Variants in SLC25A26 observed in about 807,000 individuals in gnomAD.
SLC25A26 encodes the protein solute carrier family 25 member 26, also known as mitochondrial S-adenosylmethionine carrier protein.
A neutral mutation model predicts 37.8 loss-of-function variants in SLC25A26; 36 were observed. The observed-to-expected ratio is 0.95, with a 90% confidence interval of 0.73 to 1.26. SLC25A26 has a LOEUF of 1.26. Ranked by LOEUF, SLC25A26 falls within the 50% of genes most tolerant of loss-of-function variation. The pLI is 0.00. For missense variants in SLC25A26, 390 were observed against 331.1 expected (o/e 1.18, Z -1.38); for synonymous variants, 129 against 122.5 (o/e 1.05, Z -0.35).
At chr3:66,283,219 A>T (rs888267531) in intron 5 of SLC25A26, among the ~76,000 whole-genome samples, 3 of 152,164 alleles carry the variant, frequency 2.0e-5, no homozygotes, top group African/African-American at 7.2e-5. Context: ...AAATGCAGGA[A>T]TGGGTTTGCT....
At chr3:66,187,470 C>T (rs950132381) in intron 1 of SLC25A26, among the ~76,000 whole-genome samples, 3 of 152,030 alleles carry the variant, frequency 2.0e-5, no homozygotes, top group Non-Finnish European at 2.9e-5. Context: ...TGAAACTTAC[C>T]CTTATCCTTA....
At chr3:66,209,907 T>TATTTATAC (rs2071259390) in intron 1 of SLC25A26, among the ~76,000 whole-genome samples, 2 of 21,692 alleles carry the variant, frequency 9.2e-5, no homozygotes, top group African/African-American at 3.5e-4. Context: ...TTTATATATA[T>TATTTATAC]ATATATATAT....
intron 5 of SLC25A26, among the ~76,000 whole-genome samples, chr3:66,319,158 G>C (rs2075622522): frequency 6.6e-6 from 1 of 152,188 alleles, no homozygotes; most frequent in African/African-American, 2.4e-5. Flanking sequence ...GTTAGAGTTT[G>C]TAGAACCAAA....
In SLC25A26 at chr3:66,253,145, T is replaced by C. The variant is rs1011938236; in HGVS notation, c.301-8906T>C. 7.3e-5 allele frequency among the ~76,000 whole-genome samples: 11 copies of C among 151,218 alleles called. No homozygotes were observed. In the South Asian group the frequency reaches 1.7e-3, roughly 23 times the overall value. On this transcript the variant is annotated intron_variant, in intron 3 of 9. Transcript: ENST00000354883. ...GATGGGGGCCGGGCGCAGTGGCTCA[T>C]GCCTGTAATCCCAGCACTTTGGGAG... is the stretch of plus-strand genomic sequence containing the variant.
intron 5 of SLC25A26, among the ~76,000 whole-genome samples, chr3:66,263,927 G>A (rs1008108611): frequency 1.3e-5 from 2 of 151,986 alleles, no homozygotes; most frequent in Admixed American, 1.3e-4. Flanking sequence ...CAAAGTGCTG[G>A]GATTACAGGC....
At chr3:66,143,167 A>T (rs183032179) in intron 1 of SLC25A26, among the ~76,000 whole-genome samples, 1,897 of 149,940 alleles carry the variant, frequency 0.013, 15 homozygotes, top group Non-Finnish European at 0.019. Flanking sequence ...TGAATAATAA[A>T]AAAAAAAAAA....
chr3:66,314,445 C>T (rs574619561), intron 5 of SLC25A26, among the ~76,000 whole-genome samples: 30 of 151,948 alleles, frequency 2.0e-4, no homozygotes, highest in Admixed American at 4.6e-4. Context: ...TTGAACCAGC[C>T]GTGCATCCTG....
chr3:66,188,128 G>A (rs2070866097), intron 1 of SLC25A26, among the ~76,000 whole-genome samples: 2 of 151,906 alleles, frequency 1.3e-5, no homozygotes. Context: ...ACCCTAACCT[G>A]AACCCTCAAA....
At chr3:66,322,988 A>G (rs1424301687) in intron 5 of SLC25A26, among the ~76,000 whole-genome samples, 1 of 146,504 alleles carries the variant, frequency 6.8e-6, no homozygotes, top group Non-Finnish European at 1.6e-5. Context: ...AAATTTCAAG[A>G]TAAGTAAGGT....
At chr3:66,225,364 A>G (rs1023381461) in intron 1 of SLC25A26, among the ~76,000 whole-genome samples, 1 of 152,224 alleles carries the variant, frequency 6.6e-6, no homozygotes, top group African/African-American at 2.4e-5. Flanking sequence ...TGGGGCTTGC[A>G]TCCTTCGAAG....
intron 6 of SLC25A26, chr3:66,355,882 A>G: frequency 2.5e-6 from 1 of 394,026 alleles, no homozygotes; most frequent in Non-Finnish European, 5.0e-6. Flanking sequence ...GAGCAAGCCT[A>G]GGTTTGAAAA....
chr3:66,217,036 A>C (rs1340184755), upstream of SLC25A26, among the ~76,000 whole-genome samples: 3 of 152,242 alleles, frequency 2.0e-5, no homozygotes, highest in Non-Finnish European at 4.4e-5. Context: ...TTTACCTTGC[A>C]TAAAAGGAGA....
intron 1 of SLC25A26, among the ~76,000 whole-genome samples, chr3:66,179,125 T>C (rs887215598): frequency 4.6e-5 from 7 of 152,244 alleles, no homozygotes; most frequent in Non-Finnish European, 8.8e-5. Flanking sequence ...ACATTTGTCA[T>C]ATTTTTCTCT....
chr3:66,135,731 T>G (rs569131631), intron 1 of SLC25A26, among the ~76,000 whole-genome samples: 1 of 152,140 alleles, frequency 6.6e-6, no homozygotes, highest in Non-Finnish European at 1.5e-5. Flanking sequence ...ATGGCACCAC[T>G]GCACTCCAGC....
chr3:66,236,741 A>G, intron 2 of SLC25A26, 41 bp downstream of exon 2: 1 of 1,437,830 alleles, frequency 7.0e-7, no homozygotes, highest in Non-Finnish European at 9.3e-7. Flanking sequence ...CCAAGATAAG[A>G]TGGGATTTTC....
chr3:66,262,235 A>G (rs2073559708), intron 4 of SLC25A26, 80 bp downstream of exon 4: 7 of 708,894 alleles, frequency 9.9e-6, no homozygotes, highest in Middle Eastern at 2.8e-4. Flanking sequence ...ATTTCATCCT[A>G]AGAGCCTTAG....
chr3:66,250,639 G>GCATTTTCAACTTGAAA (rs1254274800), intron 3 of SLC25A26, among the ~76,000 whole-genome samples: 4,382 of 151,566 alleles, frequency 0.029, 252 homozygotes, highest in Admixed American at 0.14. Flanking sequence ...GGTATCACAT[G>GCATTTTCAACTTGAAA]CGTTTTCAAC....
chr3:66,352,381 C>G (rs138501128), intron 6 of SLC25A26, among the ~76,000 whole-genome samples: 1,841 of 151,734 alleles, frequency 0.012, 39 homozygotes, highest in African/African-American at 0.042. Flanking sequence ...TGTGCCCGGC[C>G]ACGTTGCGCT....
At chr3:66,230,783 C>T (rs1365126353) in intron 1 of SLC25A26, among the ~76,000 whole-genome samples, 1 of 75,364 alleles carries the variant, frequency 1.3e-5, no homozygotes, top group Non-Finnish European at 2.6e-5. Flanking sequence ...CCAGCCTGGG[C>T]AACAAGAGCA....
Sources: allele counts gnomAD v4.1 joint callset (sites outside exome capture counted in the v4.1 genomes callset), GRCh38; gene constraint gnomAD v4.1.1; transcripts MANE v1.5; gene names NCBI Gene and HGNC (gene_info 2026-07-23, HGNC 2026-07-21).